OCIAD1: variants seen among roughly 807,000 people sequenced by gnomAD.
OCIAD1 encodes OCIA domain containing 1.
In OCIAD1, 29 loss-of-function variants were observed where a neutral mutation model predicts 38.9. That is an observed-to-expected ratio of 0.74 (90% confidence interval 0.55 to 1.02). OCIAD1 has a LOEUF of 1.02. Ranked by LOEUF, OCIAD1 falls within the 50% of genes least tolerant of loss-of-function variation. The pLI is 0.00. For missense variants in OCIAD1, 288 were observed against 289.6 expected (o/e 0.99, Z 0.04); for synonymous variants, 110 against 92.0 (o/e 1.20, Z -1.12).
At chr4:48,814,290 A>G (rs6829709) in intron 1 of OCIAD1, among the ~76,000 whole-genome samples, 343 of 151,328 alleles carry the variant, frequency 2.3e-3, no homozygotes, top group African/African-American at 8.1e-3. Context: ...AAACTGTCCA[A>G]GAAAGAAAAG....
rs1780104264 is a variant in OCIAD1 at position 48,857,067 on chromosome 4, A to ATAG, written c.548-143_548-141dup. On this transcript the variant is annotated intron_variant, in intron 7 of 8. Coordinates refer to ENST00000264312, the MANE Select transcript of OCIAD1 (RefSeq NM_017830.4). ...GTTTGATGATTATCTTGGTGAAAGT[A>ATAG]TAGTACCTGTGAAATGGTGGTAATA... is the stretch of plus-strand genomic sequence containing the variant. The ATAG allele has an allele frequency of 1.2e-5, 5 of 401,156 alleles. No homozygotes were observed. The Admixed American group carries it at 2.3e-4, about 18-fold the overall frequency. 24.8% of individuals were successfully genotyped at this position (401,156 alleles called of 1,614,324 possible).
chr4:48,821,388 A>T (rs1777192806), intron 1 of OCIAD1, among the ~76,000 whole-genome samples: 1 of 152,258 alleles, frequency 6.6e-6, no homozygotes, highest in Admixed American at 6.5e-5. Flanking sequence ...CTAGGTGTGG[A>T]TGGAACATAT....
At chr4:48,807,829 G>C (rs558761090) in intron 1 of OCIAD1, among the ~76,000 whole-genome samples, 1 of 152,098 alleles carries the variant, frequency 6.6e-6, no homozygotes, top group East Asian at 1.9e-4. Context: ...CTTCAAACGT[G>C]GGTGTTTCCC....
intron 7 of OCIAD1, among the ~76,000 whole-genome samples, chr4:48,854,043 ACTAT>A: frequency 6.6e-6 from 1 of 152,318 alleles, no homozygotes; most frequent in East Asian, 1.9e-4. Flanking sequence ...GGCTAAAGTC[ACTAT>A]CTTATCTCCA....
intron 1 of OCIAD1, among the ~76,000 whole-genome samples, chr4:48,824,761 A>T (rs1242901627): frequency 2.0e-5 from 3 of 151,888 alleles, no homozygotes; most frequent in African/African-American, 7.3e-5. Flanking sequence ...TTTTAGACAG[A>T]GTCTTGCTCT....
chr4:48,850,471 G>C (rs1177860459), intron 6 of OCIAD1, among the ~76,000 whole-genome samples: 2 of 152,190 alleles, frequency 1.3e-5, no homozygotes, highest in African/African-American at 4.8e-5. Context: ...TCACTATGTT[G>C]CCCAGGCTGG....
At chr4:48,849,451 G>T (rs780261790) in intron 5 of OCIAD1, among the ~76,000 whole-genome samples, 1 of 152,012 alleles carries the variant, frequency 6.6e-6, no homozygotes, top group African/African-American at 2.4e-5. Context: ...GTTATGGTTC[G>T]TAATTTATTA....
rs1780584410 is a variant in OCIAD1, at chr4:48,861,383, A to G, written c.*621A>G. The stretch of plus-strand genomic sequence containing the variant: ...TCTATAATATGGCTATAATATGGCT[A>G]TAAATCTATAATATGGCTGGAGGCA... On this transcript the variant is annotated 3_prime_UTR_variant, in exon 9 of 9. Coordinates refer to ENST00000264312, the MANE Select transcript of OCIAD1 (RefSeq NM_017830.4). 1 of 152,310 alleles carries G rather than the reference A, an allele frequency of 6.6e-6. No homozygotes were observed. The highest frequency in any genetic ancestry group is 2.4e-5 in the African/African-American group (1 of 41,434). The allele number at this position is 152,310 out of a possible 1,614,324, so 9.4% of individuals were successfully genotyped here.
At chr4:48,852,882 G>GTTTTTT (rs1439653723) in intron 7 of OCIAD1, among the ~76,000 whole-genome samples, 25 of 126,282 alleles carry the variant, frequency 2.0e-4, no homozygotes, top group South Asian at 7.8e-4. Flanking sequence ...TTTGTTTTTT[G>GTTTTTT]TTTTTTTTTT....
chr4:48,860,553 C>T (rs1436299744), intron 8 of OCIAD1, among the ~76,000 whole-genome samples, 172 bp from the exon 9 acceptor site: 1 of 152,128 alleles, frequency 6.6e-6, no homozygotes, highest in Admixed American at 6.5e-5. Flanking sequence ...ATTTGTCCAA[C>T]CCCAAGTTCA....
intron 1 of OCIAD1, among the ~76,000 whole-genome samples, chr4:48,821,324 G>A (rs1272530248): frequency 1.3e-5 from 2 of 152,188 alleles, no homozygotes; most frequent in African/African-American, 4.8e-5. Context: ...AATGGATGCA[G>A]AAAAGGCCTT....
chr4:48,823,110 G>A, intron 1 of OCIAD1, among the ~76,000 whole-genome samples: 1 of 152,082 alleles, frequency 6.6e-6, no homozygotes, highest in East Asian at 1.9e-4. Flanking sequence ...TTGCAGCACT[G>A]TTTACAATAG....
chr4:48,821,183 A>G (rs1777191406), intron 1 of OCIAD1, among the ~76,000 whole-genome samples: 1 of 152,222 alleles, frequency 6.6e-6, no homozygotes, highest in African/African-American at 2.4e-5. Flanking sequence ...CGAGCAGCAC[A>G]TTAAAAATCT....
chr4:48,832,612 T>G lies in OCIAD1; in HGVS notation c.-5-8T>G, dbSNP rs761084887. 22 of 1,609,978 alleles carry G rather than the reference T, an allele frequency of 1.4e-5. No homozygotes were observed. The highest frequency in any genetic ancestry group is 1.9e-5 in the Non-Finnish European group (22 of 1,176,306). On this transcript the variant is annotated splice_region_variant and splice_polypyrimidine_tract_variant and intron_variant, in intron 1 of 8. Transcript: ENST00000264312. ...TCTAATACTTAATATGTAATGTTTT[T>G]GATACAGGAAAGATGAATGGGAGGG...
At chr4:48,836,355 G>A (rs562989658) in intron 3 of OCIAD1, among the ~76,000 whole-genome samples, 140 of 152,310 alleles carry the variant, frequency 9.2e-4, no homozygotes, top group African/African-American at 3.0e-3. Flanking sequence ...AAGATAACCA[G>A]CTTAGGAGAC....
chr4:48,830,971 C>T (rs1777425461), upstream of OCIAD1: 1 of 157,918 alleles, frequency 6.3e-6, no homozygotes, highest in African/African-American at 2.4e-5. Context: ...CCTGAAAGGG[C>T]AAAGGGACGA....
chr4:48,814,398 A>G (rs1201025957), intron 1 of OCIAD1, among the ~76,000 whole-genome samples: 2 of 151,076 alleles, frequency 1.3e-5, no homozygotes, highest in Non-Finnish European at 1.5e-5. Flanking sequence ...ACTCTCCTCT[A>G]ACTTTTGACT....
chr4:48,820,656 T>C lies in OCIAD1; in HGVS notation c.-102-9921T>C, dbSNP rs182759863. Reference sequence around the variant, plus strand: ...TTAACCAAATAGATGGACCACTAGCTAGACTAATAAAGAAAAGAGAGAAGA... The same window carrying C: ...TTAACCAAATAGATGGACCACTAGCCAGACTAATAAAGAAAAGAGAGAAGA... On this transcript the variant is annotated intron_variant, in intron 1 of 6. Coordinates refer to the OCIAD1 transcript ENST00000504654. 3.7e-4 allele frequency among the ~76,000 whole-genome samples: 56 copies of C among 152,038 alleles called. 1 individual carries two copies. Among genetic ancestry groups the C allele is most frequent in the African/African-American group, 1.2e-3 (50 of 41,500 alleles).
chr4:48,837,543 G>A (rs1301904511), intron 3 of OCIAD1, among the ~76,000 whole-genome samples: 4 of 151,888 alleles, frequency 2.6e-5, no homozygotes, highest in Non-Finnish European at 2.9e-5. Flanking sequence ...TGCCCACCTC[G>A]GCCTCACAAA....
Sources: allele counts gnomAD v4.1 joint callset (sites outside exome capture counted in the v4.1 genomes callset), GRCh38; gene constraint gnomAD v4.1.1; transcripts MANE v1.5; gene names NCBI Gene and HGNC (gene_info 2026-07-23, HGNC 2026-07-21).